PAH: variants seen among roughly 807,000 people sequenced by gnomAD.
PAH encodes the protein phenylalanine-4-hydroxylase.
A neutral mutation model predicts 62.0 loss-of-function variants in PAH; 64 were observed. The ratio of observed to expected loss-of-function variants is 1.03; its 90% CI spans 0.84 to 1.27. PAH has a LOEUF of 1.27. Among genes scored for constraint, PAH ranks in the 50% most tolerant of loss-of-function variants. The probability of loss-of-function intolerance (pLI) is 0.00; values close to 1 mark genes in which losing one functional copy is unlikely to be tolerated. For missense variants in PAH, 579 were observed against 542.8 expected (o/e 1.07, Z -0.66); for synonymous variants, 195 against 196.2 (o/e 0.99, Z 0.05).
chr12:102,921,511 A>G (rs1878551577), upstream of PAH, among the ~76,000 whole-genome samples: 1 of 152,230 alleles, frequency 6.6e-6, no homozygotes, highest in African/African-American at 2.4e-5. Context: ...ATTAAACAAT[A>G]AAACAAGTAA....
chr12:102,883,008 C>G (rs1001689314), intron 3 of PAH, among the ~76,000 whole-genome samples: 1 of 151,944 alleles, frequency 6.6e-6, no homozygotes, highest in Non-Finnish European at 1.5e-5. Context: ...GAGGAAAGAA[C>G]AGAGATTGGG....
At chr12:102,900,486 A>C (rs1441039898) in intron 2 of PAH, among the ~76,000 whole-genome samples, 2 of 151,810 alleles carry the variant, frequency 1.3e-5, no homozygotes, top group African/African-American at 2.4e-5. Context: ...CGGGCTGACA[A>C]ATGGGGGGTG....
chr12:102,865,747 T>G (rs545847847), intron 5 of PAH, among the ~76,000 whole-genome samples: 1 of 152,312 alleles, frequency 6.6e-6, no homozygotes, highest in African/African-American at 2.4e-5. Context: ...AAGCTTTCTC[T>G]CTCTTTTTCC....
At chr12:102,955,046 C>T (rs1237700664), upstream of PAH, among the ~76,000 whole-genome samples, 1 of 152,146 alleles carries the variant, frequency 6.6e-6, no homozygotes, top group South Asian at 2.1e-4. Flanking sequence ...AGAATAGAGA[C>T]AAATGTTCTG....
At chr12:102,908,434 A>G (rs1331821915) in intron 2 of PAH, among the ~76,000 whole-genome samples, 1 of 152,224 alleles carries the variant, frequency 6.6e-6, no homozygotes, top group East Asian at 1.9e-4. Context: ...AAAGTTACAT[A>G]GGTGCATTTT....
Position 102,916,934 on chromosome 12 carries a change from G to C in PAH, c.60+137C>G, listed in dbSNP as rs1003597750. On this transcript the variant is annotated intron_variant, in intron 1 of 12. Transcript: ENST00000553106. ...GAGGACATTTGTCTGTTGACTTCCT[G>C]GATATTCTCATCAGCTTCCAACGAA... 4.1e-4 allele frequency: 330 copies of C among 812,440 alleles called. 3 individuals carry two copies. The highest frequency in any genetic ancestry group is 5.4e-5 in the Non-Finnish European group (25 of 464,032). 50.3% of individuals were successfully genotyped at this position (812,440 alleles called of 1,614,324 possible).
At chr12:102,848,068 C>T (rs989836110) in intron 8 of PAH, among the ~76,000 whole-genome samples, 2 of 152,136 alleles carry the variant, frequency 1.3e-5, no homozygotes, top group Non-Finnish European at 2.9e-5. Context: ...GGAGCCATTG[C>T]AGGGTAATGA....
At chr12:102,929,238 T>G (rs1193460848) in intron 1 of PAH, among the ~76,000 whole-genome samples, 1 of 152,196 alleles carries the variant, frequency 6.6e-6, no homozygotes, top group African/African-American at 2.4e-5. Flanking sequence ...AGCATGAGAA[T>G]AGACTAATAC....
intron 2 of PAH, among the ~76,000 whole-genome samples, chr12:102,908,655 TTATGAACA>T (rs3062642): frequency 0.44 from 67,125 of 151,488 alleles, 17,135 homozygotes; most frequent in African/African-American, 0.7. Flanking sequence ...GTGTCCCCCA[TTATGAACA>T]TATGAACATC....
At chr12:102,866,349 G>A (rs1033169285) in intron 5 of PAH, among the ~76,000 whole-genome samples, 1 of 152,186 alleles carries the variant, frequency 6.6e-6, no homozygotes, top group Non-Finnish European at 1.5e-5. Context: ...TTGGGAGAGA[G>A]CAGGGCCCCC....
chr12:102,840,928 T>C (rs1189485252), intron 11 of PAH, among the ~76,000 whole-genome samples: 1 of 152,184 alleles, frequency 6.6e-6, no homozygotes, highest in Non-Finnish European at 1.5e-5. Context: ...AGCTCTCAAG[T>C]GGTGAAGAAA....
chr12:102,844,876 A>C (rs1874767074), intron 9 of PAH, among the ~76,000 whole-genome samples: 1 of 152,104 alleles, frequency 6.6e-6, no homozygotes, highest in Non-Finnish European at 1.5e-5. Context: ...AACTTTGACT[A>C]ATCTACGCCA....
At chr12:102,917,038 C>G (rs1477111937) in intron 1 of PAH, 33 bp downstream of exon 1, 1 of 1,608,232 alleles carries the variant, frequency 6.2e-7, no homozygotes, top group Non-Finnish European at 8.5e-7. Context: ...CCCAAATTCC[C>G]CTAACTGAGC....
At chr12:102,933,984 G>A (rs1879008797) in intron 1 of PAH, among the ~76,000 whole-genome samples, 1 of 151,992 alleles carries the variant, frequency 6.6e-6, no homozygotes, top group African/African-American at 2.4e-5. Context: ...TTGGTTGACT[G>A]TGCTTGTGAT....
intron 1 of PAH, among the ~76,000 whole-genome samples, chr12:102,934,644 A>G (rs34938392): frequency 0.16 from 23,557 of 151,864 alleles, 1,909 homozygotes; most frequent in African/African-American, 0.18. Flanking sequence ...TTCACTTCTT[A>G]GGTTAACTCC....
At chr12:102,901,121 A>G (rs575189710) in intron 2 of PAH, among the ~76,000 whole-genome samples, 1 of 152,178 alleles carries the variant, frequency 6.6e-6, no homozygotes, top group Non-Finnish European at 1.5e-5. Flanking sequence ...TCACAAGTAA[A>G]TAAAACTATA....
At chr12:102,958,334 T>C in exon 1 of PAH, 1 of 1,463,776 alleles carries the variant, frequency 6.8e-7, no homozygotes, top group Non-Finnish European at 9.0e-7. Flanking sequence ...CCGCAGCCTG[T>C]TTCTTTGCCA....
At chr12:102,888,695 G>C (rs1305440201) in intron 3 of PAH, among the ~76,000 whole-genome samples, 1 of 151,724 alleles carries the variant, frequency 6.6e-6, no homozygotes. Context: ...CCCTGAATGG[G>C]CTGATCCTCT....
chr12:102,855,069 T>C (rs762780839), intron 6 of PAH, 67 bp downstream of exon 6: 14 of 1,295,372 alleles, frequency 1.1e-5, no homozygotes, highest in Middle Eastern at 3.8e-4. Context: ...TGTCTTCCCC[T>C]TCCCTCTCCT....
Sources: allele counts gnomAD v4.1 joint callset (sites outside exome capture counted in the v4.1 genomes callset), GRCh38; gene constraint gnomAD v4.1.1; transcripts MANE v1.5; gene names NCBI Gene and HGNC (gene_info 2026-07-23, HGNC 2026-07-21).